The following C1orf94 variants were observed in gnomAD, a reference collection of about 807,000 sequenced individuals.
The protein encoded by C1orf94 is uncharacterized protein C1orf94.
A neutral mutation model predicts 53.6 loss-of-function variants in C1orf94; 45 were observed. The ratio of observed to expected loss-of-function variants is 0.84; its 90% CI spans 0.66 to 1.08. The LOEUF is 1.08. Among genes scored for constraint, C1orf94 ranks in the 50% least tolerant of loss-of-function variants. The probability of loss-of-function intolerance (pLI) is 0.00; values close to 1 mark genes in which losing one functional copy is unlikely to be tolerated. For missense variants in C1orf94, 762 were observed against 738.9 expected (o/e 1.03, Z -0.36); for synonymous variants, 304 against 296.1 (o/e 1.03, Z -0.27).
intron 1 of C1orf94, among the ~76,000 whole-genome samples, chr1:34,189,605 G>A (rs1003385247): frequency 2.0e-5 from 3 of 150,210 alleles, no homozygotes; most frequent in Non-Finnish European, 4.4e-5. Flanking sequence ...AGTGCCCACC[G>A]GCCTTGGCCT....
At chr1:34,198,441 G>A (rs1642640893) in intron 2 of C1orf94, among the ~76,000 whole-genome samples, 1 of 152,190 alleles carries the variant, frequency 6.6e-6, no homozygotes, top group South Asian at 2.1e-4. Flanking sequence ...TCTGGGATCT[G>A]TTTCCTGGGA....
intron 6 of C1orf94, among the ~76,000 whole-genome samples, chr1:34,214,283 G>A (rs1442205593): frequency 6.6e-6 from 1 of 152,198 alleles, no homozygotes; most frequent in Non-Finnish European, 1.5e-5. Context: ...GAGTCTGGCT[G>A]AAGAATTAGA....
intron 1 of C1orf94, among the ~76,000 whole-genome samples, chr1:34,189,410 A>G (rs926418083): frequency 6.6e-6 from 1 of 152,022 alleles, no homozygotes; most frequent in Admixed American, 6.6e-5. Context: ...TGGGCAATTC[A>G]GTGAATCTTG....
chr1:34,210,109 A>T (rs1333825014), intron 5 of C1orf94, among the ~76,000 whole-genome samples: 1 of 152,150 alleles, frequency 6.6e-6, no homozygotes, highest in Non-Finnish European at 1.5e-5. Flanking sequence ...GTTTCATCAG[A>T]TACATGGAAT....
chr1:34,195,744 C>T (rs1437124002), intron 1 of C1orf94, among the ~76,000 whole-genome samples: 1 of 151,302 alleles, frequency 6.6e-6, no homozygotes, highest in Non-Finnish European at 1.5e-5. Flanking sequence ...TGTATGGTGA[C>T]ATGTGAATTG....
chr1:34,200,754 G>A lies in C1orf94; in HGVS notation c.1010-18G>A, dbSNP rs1307689570. ...TTGGCCTTCCAGAGGCATTGACTCA[G>A]TTTCTTTCCTGCTACAGAATGGAGC... On this transcript the variant is annotated intron_variant, in intron 2 of 6. Coordinates refer to ENST00000488417, the MANE Select transcript of C1orf94 (RefSeq NM_001134734.2). The A allele has an allele frequency of 1.2e-6, 2 of 1,613,570 alleles. No homozygotes were observed. Among genetic ancestry groups the A allele is most frequent in the African/African-American group, 2.7e-5 (2 of 74,874 alleles).
At chr1:34,194,320 A>G (rs772771064) in intron 1 of C1orf94, among the ~76,000 whole-genome samples, 1 of 152,144 alleles carries the variant, frequency 6.6e-6, no homozygotes, top group African/African-American at 2.4e-5. Flanking sequence ...AAGGTGTAGA[A>G]GGCAGCTCTT....
At chr1:34,209,478 C>A (rs1642855907) in intron 5 of C1orf94, among the ~76,000 whole-genome samples, 1 of 152,080 alleles carries the variant, frequency 6.6e-6, no homozygotes, top group South Asian at 2.1e-4. Flanking sequence ...AATGGAGGAG[C>A]AGAGGGCACC....
In C1orf94 at chr1:34,218,886, A is replaced by G; in HGVS notation, c.*125A>G. 1.4e-6 allele frequency: 1 copy of G among 706,942 alleles called. No homozygotes were observed. The highest frequency in any genetic ancestry group is 2.9e-5 in the South Asian group (1 of 34,790). The allele number at this position is 706,942 out of a possible 1,614,324, so 43.8% of individuals were successfully genotyped here. On this transcript the variant is annotated 3_prime_UTR_variant, in exon 7 of 7. Transcript: ENST00000488417. ...AGGTTCTGACCAGGTCACAGACAAA[A>G]CAGCAAGACCAGATTCATCTATTGG...
chr1:34,199,303 C>T (rs1466865832), intron 2 of C1orf94, among the ~76,000 whole-genome samples: 2 of 152,112 alleles, frequency 1.3e-5, no homozygotes, highest in Non-Finnish European at 2.9e-5. Context: ...GTGTGTGTGT[C>T]TCTGGGGAAA....
At chr1:34,191,133 T>C (rs2783984) in intron 1 of C1orf94, among the ~76,000 whole-genome samples, 20,649 of 152,126 alleles carry the variant, frequency 0.14, 1,963 homozygotes, top group African/African-American at 0.27. Context: ...ACTTTTCAAG[T>C]CTCCACGTCT....
chr1:34,202,788 G>A (rs912347802), intron 4 of C1orf94, among the ~76,000 whole-genome samples: 8 of 152,136 alleles, frequency 5.3e-5, no homozygotes, highest in Admixed American at 3.3e-4. Flanking sequence ...TCCTGGTTTG[G>A]ACAACAAATT....
At chr1:34,206,766 AC>A (rs1295580872) in intron 4 of C1orf94, among the ~76,000 whole-genome samples, 42 of 152,280 alleles carry the variant, frequency 2.8e-4, no homozygotes, top group African/African-American at 9.9e-4. Context: ...GGTTGCAGGG[AC>A]CGGGCAGTGG....
In C1orf94 at chr1:34,200,949, A is replaced by G. The variant is rs753248839; in HGVS notation, c.1187A>G (p.Tyr396Cys). ...TGTCCAGCCGAGAAGAACTTGCTCTATGAGTTCCTTGGGGCCACCAAGAAC... is the reference window on the plus strand; with the variant it reads ...TGTCCAGCCGAGAAGAACTTGCTCTGTGAGTTCCTTGGGGCCACCAAGAAC... The part of the protein sequence containing the change: ...PTCPAEKNLL[Y>C]EFLGATKNPS... The change falls in exon 3 of 7, where the codon TAT (tyrosine) becomes TGT (cysteine). Residue 396 changes from tyrosine (Y) to cysteine (C), a missense_variant. Tyr to Cys is a radical substitution (Grantham distance 194, BLOSUM62 -2). Coordinates refer to ENST00000488417, the MANE Select transcript of C1orf94 (RefSeq NM_001134734.2). 3.7e-6 allele frequency: 6 copies of G among 1,614,038 alleles called. No individual in the cohort carries two copies. Among genetic ancestry groups the G allele is most frequent in the African/African-American group, 2.7e-5 (2 of 75,026 alleles).
intron 1 of C1orf94, among the ~76,000 whole-genome samples, chr1:34,190,944 G>A (rs944009933): frequency 5.3e-5 from 8 of 152,128 alleles, no homozygotes; most frequent in Admixed American, 1.3e-4. Flanking sequence ...AGGTTCTTCC[G>A]CTGTGGGCTG....
Position 34,201,178 on chromosome 1 carries a change from T to G in C1orf94, c.1270+146T>G, listed in dbSNP as rs993323685. 5 of 1,208,242 alleles carry G rather than the reference T, an allele frequency of 4.1e-6. No individual in the cohort carries two copies. The African/African-American group carries it at 6.2e-5, about 15-fold the overall frequency. The allele number at this position is 1,208,242 out of a possible 1,614,324, so 74.8% of individuals were successfully genotyped here. A position where few individuals can be genotyped will look rare whatever the true frequency, so the allele number is the denominator to read the frequency against. ...TTTTAAACCCATAAAATGGGGGCAATGACTTTCTCCCCATATCCCTTGTTG... is the reference window on the plus strand; with the variant it reads ...TTTTAAACCCATAAAATGGGGGCAAGGACTTTCTCCCCATATCCCTTGTTG... On this transcript the variant is annotated intron_variant, in intron 3 of 6. Coordinates refer to ENST00000488417, the MANE Select transcript of C1orf94 (RefSeq NM_001134734.2).
intron 6 of C1orf94, among the ~76,000 whole-genome samples, chr1:34,218,084 T>C (rs1295263567): frequency 6.6e-6 from 1 of 152,136 alleles, no homozygotes; most frequent in Non-Finnish European, 1.5e-5. Flanking sequence ...GCATTTCTGC[T>C]CTTAGACGGT....
intron 1 of C1orf94, among the ~76,000 whole-genome samples, chr1:34,191,741 TG>T (rs1378700697): frequency 6.6e-6 from 1 of 152,154 alleles, no homozygotes; most frequent in Non-Finnish European, 1.5e-5. Flanking sequence ...ATTTTTCTGT[TG>T]TTTGGCTCAG....
In C1orf94 at chr1:34,177,613, A is replaced by T; in HGVS notation, c.-177A>T. On this transcript the variant is annotated 5_prime_UTR_variant, in exon 1 of 7. An upstream open reading frame in the 5' UTR gains an earlier in-frame stop. Transcript: ENST00000488417. ...GAGGGGGAGGGAGGCAAAAGTCAGG[A>T]AAGAGCAAATAAAAACAAATCAAAA... 2 of 569,778 alleles carry T rather than the reference A, an allele frequency of 3.5e-6. No individual in the cohort carries two copies. Among genetic ancestry groups the T allele is most frequent in the Non-Finnish European group, 6.0e-6 (2 of 330,658 alleles). 35.3% of individuals were successfully genotyped at this position (569,778 alleles called of 1,614,324 possible). A position where few individuals can be genotyped will look rare whatever the true frequency, so the allele number is the denominator to read the frequency against.
Sources: gnomAD v4.1 joint callset for allele counts (sites outside exome capture counted in the v4.1 genomes callset) on GRCh38, gnomAD v4.1.1 for gene constraint, MANE v1.5 for transcripts, NCBI Gene and HGNC (gene_info 2026-07-23, HGNC 2026-07-21) for gene names.